Variants in TRHDE observed in about 807,000 individuals in gnomAD.
TRHDE encodes thyrotropin releasing hormone degrading enzyme, also known as thyrotropin-releasing hormone-degrading ectoenzyme.
TRHDE carries 72 observed loss-of-function variants against 125.7 expected under a neutral mutation model. The observed-to-expected ratio is 0.57, with a 90% CI of 0.47 to 0.70. The LOEUF (loss-of-function observed/expected upper bound fraction) is 0.70. Among genes scored for constraint, TRHDE ranks in the 30% least tolerant of loss-of-function variants. The pLI is 0.00. For missense variants in TRHDE, 1,110 were observed against 1,327.1 expected (o/e 0.84, Z 2.54); for synonymous variants, 509 against 509.1 (o/e 1.00, Z 0.00).
At chr12:72,507,872 G>T (rs1007207018) in intron 6 of TRHDE, among the ~76,000 whole-genome samples, 1 of 152,234 alleles carries the variant, frequency 6.6e-6, no homozygotes, top group African/African-American at 2.4e-5. Context: ...CTGCTGCTCT[G>T]TGCAGTCTTG....
At chr12:72,363,799 G>A (rs1291011514) in intron 2 of TRHDE, among the ~76,000 whole-genome samples, 1 of 151,916 alleles carries the variant, frequency 6.6e-6, no homozygotes, top group African/African-American at 2.4e-5. Flanking sequence ...GGAAATAAAG[G>A]GTATTCAATT....
intron 6 of TRHDE, among the ~76,000 whole-genome samples, chr12:72,536,736 C>A (rs1208650642): frequency 6.6e-6 from 1 of 152,054 alleles, no homozygotes; most frequent in African/African-American, 2.4e-5. Context: ...TCTTACTGAA[C>A]CTGCCATAAA....
intron 6 of TRHDE, among the ~76,000 whole-genome samples, chr12:72,529,576 CGTTT>C (rs1868436874): frequency 6.6e-6 from 1 of 152,058 alleles, no homozygotes; most frequent in South Asian, 2.1e-4. Flanking sequence ...CACAGGCTGA[CGTTT>C]GTTTGAAGTT....
chr12:72,526,661 A>G (rs1868343712), intron 6 of TRHDE, among the ~76,000 whole-genome samples: 1 of 152,132 alleles, frequency 6.6e-6, no homozygotes, highest in Non-Finnish European at 1.5e-5. Context: ...TTCATCCTTT[A>G]CTAAATGTCA....
At chr12:72,376,020 T>A (rs1871864767) in intron 2 of TRHDE, among the ~76,000 whole-genome samples, 1 of 152,126 alleles carries the variant, frequency 6.6e-6, no homozygotes, top group Non-Finnish European at 1.5e-5. Flanking sequence ...CAAAGGACTA[T>A]CTCTGGGCAG....
intron 3 of TRHDE, among the ~76,000 whole-genome samples, chr12:72,415,741 A>G (rs757531430): frequency 6.6e-6 from 1 of 152,072 alleles, no homozygotes; most frequent in Non-Finnish European, 1.5e-5. Context: ...AAACGGCTGT[A>G]TATTTCATTG....
Position 72,624,022 on chromosome 12 carries a change from A to T in TRHDE, c.2675+2271A>T, listed in dbSNP as rs1873158046. Among the ~76,000 whole-genome samples the T allele has an allele frequency of 1.3e-5, 2 of 151,954 alleles. 1 individual carries two copies. The highest frequency in any genetic ancestry group is 4.1e-4 in the South Asian group (2 of 4,826). Reference sequence around the variant, plus strand: ...CTGGGAAAGTAAACATGTTAAGTGAAATTAACTCTGTTTACTAAGATTTGC... The same window carrying T: ...CTGGGAAAGTAAACATGTTAAGTGATATTAACTCTGTTTACTAAGATTTGC... On this transcript the variant is annotated intron_variant, in intron 15 of 18. Coordinates refer to ENST00000261180, the MANE Select transcript of TRHDE (RefSeq NM_013381.3).
chr12:72,155,762 C>T (rs1454347022), intron 2 of TRHDE, among the ~76,000 whole-genome samples: 1 of 152,170 alleles, frequency 6.6e-6, no homozygotes, highest in Non-Finnish European at 1.5e-5. Context: ...AGTTTTGTCT[C>T]AGAGGAGTAC....
At chr12:72,201,307 T>C (rs1342352460) in intron 2 of TRHDE, among the ~76,000 whole-genome samples, 2 of 152,192 alleles carry the variant, frequency 1.3e-5, no homozygotes, top group Admixed American at 1.3e-4. Context: ...TTATACTTAT[T>C]ATAGATTTTT....
intron 18 of TRHDE, 96 bp from the exon 19 acceptor site, chr12:72,662,955 GT>G: frequency 2.3e-6 from 3 of 1,291,738 alleles, no homozygotes; most frequent in Non-Finnish European, 2.1e-6. Context: ...CAAATATATT[GT>G]TTTTTAATGT....
chr12:72,272,805 G>C lies in TRHDE; in HGVS notation c.162G>C (p.Arg54=). ...AAMGEDDAAL[R]AGSRGLSDPW... ...TGGGGGAAGACGACGCCGCGCTTCGGGCTGGCAGCAGGGGGCTCTCCGACC... is the reference window on the plus strand; with the variant it reads ...TGGGGGAAGACGACGCCGCGCTTCGCGCTGGCAGCAGGGGGCTCTCCGACC... Residue 54 remains arginine, a synonymous_variant, in exon 1 of 19, where the codon CGG becomes CGC. Transcript: ENST00000261180. The surrounding 1 kb of genome is among the most constrained non-coding windows in gnomAD (Gnocchi z 6.7). 6.4e-7 allele frequency: 1 copy of C among 1,565,588 alleles called. No individual in the cohort carries two copies. Among genetic ancestry groups the C allele is most frequent in the Non-Finnish European group, 8.6e-7 (1 of 1,158,860 alleles).
intron 7 of TRHDE, among the ~76,000 whole-genome samples, chr12:72,552,498 G>A (rs924476538): frequency 1.3e-5 from 2 of 152,120 alleles, no homozygotes; most frequent in African/African-American, 4.8e-5. Flanking sequence ...AAGAGAAAAG[G>A]AGGAGCCCAT....
At chr12:72,191,780 C>T (rs1361143221) in intron 2 of TRHDE, among the ~76,000 whole-genome samples, 1 of 152,090 alleles carries the variant, frequency 6.6e-6, no homozygotes, top group Non-Finnish European at 1.5e-5. Context: ...TTTTGTGATT[C>T]ATGGAATGTG....
At chr12:72,591,295 T>C (rs2039863014) in intron 12 of TRHDE, among the ~76,000 whole-genome samples, 1 of 151,536 alleles carries the variant, frequency 6.6e-6, no homozygotes, top group South Asian at 2.1e-4. Flanking sequence ...GATTTTGAGC[T>C]ATGTTTCTTT....
At chr12:72,147,185 T>C (rs1475817809) in intron 2 of TRHDE, among the ~76,000 whole-genome samples, 1 of 152,134 alleles carries the variant, frequency 6.6e-6, no homozygotes, top group African/African-American at 2.4e-5. Flanking sequence ...CCTGTTCTCA[T>C]TTAGGGCTGC....
intron 7 of TRHDE, among the ~76,000 whole-genome samples, chr12:72,549,668 C>A (rs1348963231): frequency 6.6e-6 from 1 of 151,208 alleles, no homozygotes; most frequent in Admixed American, 6.6e-5. Context: ...TTATTAATGA[C>A]CTAACTATAA....
chr12:72,347,784 A>C (rs1162334448), intron 2 of TRHDE, among the ~76,000 whole-genome samples: 2 of 152,120 alleles, frequency 1.3e-5, no homozygotes, highest in African/African-American at 2.4e-5. Flanking sequence ...ACAGGCTAGA[A>C]TAACAAGACA....
chr12:72,283,979 TAA>T (rs5799072), intron 1 of TRHDE, among the ~76,000 whole-genome samples: 1 of 151,200 alleles, frequency 6.6e-6, no homozygotes, highest in South Asian at 2.1e-4. Context: ...GGTTATATCT[TAA>T]AAAAAAAGTT....
At chr12:72,271,825 G>T (rs1879224105), upstream of TRHDE, 1 of 436,838 alleles carries the variant, frequency 2.3e-6, no homozygotes. Flanking sequence ...TCATCTACCT[G>T]AAGGGGATGG....
Sources: allele counts gnomAD v4.1 joint callset (sites outside exome capture counted in the v4.1 genomes callset), GRCh38; gene constraint gnomAD v4.1.1; non-coding constraint Gnocchi (gnomAD v3.1); transcripts MANE v1.5; gene names NCBI Gene and HGNC (gene_info 2026-07-23, HGNC 2026-07-21).